Variants in XK observed in about 807,000 individuals in gnomAD.
XK encodes endoplasmic reticulum membrane adapter protein XK.
XK carries 2 observed loss-of-function variants against 14.0 expected under a neutral mutation model. The ratio of observed to expected loss-of-function variants is 0.14; its 90% CI spans 0.06 to 0.45. The LOEUF (loss-of-function observed/expected upper bound fraction) is 0.45, where lower values mean the gene tolerates loss of function less well. XK is among the 20% of genes least tolerant of loss of function. The pLI, the probability that XK is intolerant of heterozygous loss-of-function variation, is 0.98. For missense variants in XK, 235 were observed against 341.5 expected (o/e 0.69, Z 2.46); for synonymous variants, 149 against 147.5 (o/e 1.01, Z -0.08).
intron 2 of XK, among the ~76,000 whole-genome samples, chrX:37,705,710 G>A (rs1276284969): frequency 7.3e-5 from 8 of 110,235 alleles, no homozygotes; most frequent in African/African-American, 9.9e-5. Flanking sequence ...AGGGAAGGCT[G>A]AGTACCTCTT....
intron 2 of XK, among the ~76,000 whole-genome samples, chrX:37,705,929 T>C (rs961129952): frequency 1.8e-5 from 2 of 108,489 alleles, no homozygotes; most frequent in Non-Finnish European, 3.8e-5. Flanking sequence ...ATTTTTTTTT[T>C]TTTTTGAGAC....
At chrX:37,707,126 C>T (rs1927542845) in intron 2 of XK, among the ~76,000 whole-genome samples, 1 of 112,637 alleles carries the variant, frequency 8.9e-6, no homozygotes, top group African/African-American at 3.2e-5. Context: ...CATCATGGCC[C>T]GTTCTCAATG....
At chrX:37,705,227 C>G (rs374033966) in intron 2 of XK, among the ~76,000 whole-genome samples, 10 of 109,673 alleles carry the variant, frequency 9.1e-5, no homozygotes, top group African/African-American at 3.3e-4. Flanking sequence ...GGGCGGATCA[C>G]GAGGTCAGGA....
intron 1 of XK, among the ~76,000 whole-genome samples, chrX:37,693,809 C>T (rs1403226722): frequency 9.0e-6 from 1 of 111,672 alleles, no homozygotes; most frequent in Non-Finnish European, 1.9e-5. Context: ...AACACACACA[C>T]GTGTGTGCGT....
At chrX:37,698,896 T>TA (rs1425994773) in intron 2 of XK, among the ~76,000 whole-genome samples, 1 of 112,150 alleles carries the variant, frequency 8.9e-6, no homozygotes, top group African/African-American at 3.2e-5. Context: ...TTCCAAAACT[T>TA]AGATTTAAAC....
intron 2 of XK, among the ~76,000 whole-genome samples, chrX:37,702,504 T>A (rs782256685): frequency 3.6e-5 from 4 of 112,064 alleles, no homozygotes; most frequent in Non-Finnish European, 5.6e-5. Context: ...TAAAAGAAAA[T>A]TAATGAGCTG....
At chrX:37,722,454 C>T (rs977698074) in intron 2 of XK, among the ~76,000 whole-genome samples, 2 of 110,849 alleles carry the variant, frequency 1.8e-5, no homozygotes, top group Admixed American at 9.6e-5. Context: ...GGGGAGATCC[C>T]GGCTCCAGAT....
At chrX:37,708,175 C>T (rs1224650937) in intron 2 of XK, among the ~76,000 whole-genome samples, 9 of 111,775 alleles carry the variant, frequency 8.1e-5, no homozygotes, top group African/African-American at 2.0e-4. Flanking sequence ...AGCTTCGGCT[C>T]GGCATCAGAG....
intron 2 of XK, among the ~76,000 whole-genome samples, chrX:37,708,320 C>A (rs1231464867): frequency 8.9e-6 from 1 of 111,740 alleles, no homozygotes; most frequent in Non-Finnish European, 1.9e-5. Context: ...AAACAAGATG[C>A]TGCACTGCTG....
chrX:37,696,142 C>T (rs981148934), intron 2 of XK, among the ~76,000 whole-genome samples: 14 of 111,834 alleles, frequency 1.3e-4, no homozygotes, highest in Non-Finnish European at 2.4e-4. Flanking sequence ...GGGCACTGCC[C>T]GTTTTTGTCA....
intron 2 of XK, among the ~76,000 whole-genome samples, chrX:37,703,644 T>A (rs1444004051): frequency 8.9e-6 from 1 of 112,360 alleles, no homozygotes; most frequent in Admixed American, 9.4e-5. Flanking sequence ...CCAGTGATAG[T>A]AATCAGCTCT....
intron 1 of XK, among the ~76,000 whole-genome samples, chrX:37,688,055 CTTTCTTT>C (rs1395465452): frequency 6.4e-5 from 4 of 62,193 alleles, no homozygotes; most frequent in African/African-American, 3.1e-4. Flanking sequence ...TTCTTTCTTT[CTTTCTTT>C]TTTTTTTTTT....
chrX:37,724,133 C>T (rs1927931885), intron 2 of XK, among the ~76,000 whole-genome samples: 1 of 111,314 alleles, frequency 9.0e-6, no homozygotes, highest in Admixed American at 9.5e-5. Context: ...AAATAAATAC[C>T]AAAGCTTCAG....
chrX:37,707,530 G>A (rs1209837177), intron 2 of XK, among the ~76,000 whole-genome samples: 3 of 106,903 alleles, frequency 2.8e-5, no homozygotes, highest in African/African-American at 7.1e-5. Context: ...CTTCTCAGAC[G>A]GGGCGGCTGC....
At chrX:37,715,114 A>G (rs189431189) in intron 2 of XK, among the ~76,000 whole-genome samples, 5 of 110,085 alleles carry the variant, frequency 4.5e-5, no homozygotes, top group East Asian at 5.7e-4. Context: ...GTATATATAT[A>G]TATTTCCAAA....
intron 2 of XK, among the ~76,000 whole-genome samples, chrX:37,714,717 G>A (rs1363114220): frequency 9.0e-6 from 1 of 111,383 alleles, no homozygotes; most frequent in Non-Finnish European, 1.9e-5. Flanking sequence ...CTTCCTTAGA[G>A]ATAGCTTGTT....
chrX:37,691,888 G>A (rs148113493), intron 1 of XK, among the ~76,000 whole-genome samples: 2,917 of 111,354 alleles, frequency 0.026, 43 homozygotes, highest in South Asian at 0.075. Flanking sequence ...CTACTTAGGA[G>A]GCTCAGGAGT....
rs1928016124 is a variant in XK at position 37,728,161 on chromosome X, A to G, written c.1034A>G (p.Tyr345Cys). 1 of 1,209,497 alleles carries G rather than the reference A, an allele frequency of 8.3e-7. No homozygotes were observed. The highest frequency in any genetic ancestry group is 1.8e-5 in the African/African-American group (1 of 56,983). Residue 345 changes from tyrosine to cysteine, a missense_variant, in exon 3 of 3, where the codon TAT becomes TGT. Coordinates refer to ENST00000378616, the MANE Select transcript of XK (RefSeq NM_021083.4). ...WYLFKTDIYM[Y>C]VCAPLLVLQL... ...CTTTTCAAGACTGACATCTATATGT[A>G]TGTGTGCGCACCTCTGTTGGTCCTG...
chrX:37,710,348 C>T (rs1927639541), intron 2 of XK, among the ~76,000 whole-genome samples: 1 of 112,478 alleles, frequency 8.9e-6, no homozygotes, highest in Admixed American at 9.4e-5. Context: ...ATGAGGTGCA[C>T]TTCCTTGTCA....
Sources: gnomAD v4.1 joint callset for allele counts (sites outside exome capture counted in the v4.1 genomes callset) on GRCh38, gnomAD v4.1.1 for gene constraint, MANE v1.5 for transcripts, NCBI Gene and HGNC (gene_info 2026-07-23, HGNC 2026-07-21) for gene names.